Variants in DORIP1 observed in about 807,000 individuals in gnomAD.
DORIP1 encodes dopamine receptor interacting protein 1.
chr14:44,902,807 A>AG, the DORIP1 span, among the ~76,000 whole-genome samples: 1 of 152,246 alleles, frequency 6.6e-6, no homozygotes, highest in Admixed American at 6.5e-5. Context: ...GTAGAAAAAA[A>AG]GTTTTTTTTA....
At chr14:44,907,147 C>G in the DORIP1 span, 1 of 152,572 alleles carries the variant, frequency 6.6e-6, no homozygotes, top group African/African-American at 2.4e-5. Context: ...TATCATGAAA[C>G]AATGACTTAC....
chr14:44,897,733 C>T, the DORIP1 span, among the ~76,000 whole-genome samples: 1 of 152,094 alleles, frequency 6.6e-6, no homozygotes, highest in African/African-American at 2.4e-5. Context: ...AACTCGGGGA[C>T]CCGCCCGCCT....
chr14:44,897,423 C>T, the DORIP1 span: 1 of 186,732 alleles, frequency 5.4e-6, no homozygotes, highest in South Asian at 9.0e-5. Context: ...GAGCCCAGAA[C>T]TCACGCCGGG....
the DORIP1 span, among the ~76,000 whole-genome samples, chr14:44,901,407 G>C: frequency 6.6e-6 from 1 of 152,184 alleles, no homozygotes; most frequent in Non-Finnish European, 1.5e-5. Flanking sequence ...GCATGAAGCA[G>C]TCACAGAAAT....
At chr14:44,897,842 C>T in the DORIP1 span, among the ~76,000 whole-genome samples, 1 of 152,182 alleles carries the variant, frequency 6.6e-6, no homozygotes, top group Non-Finnish European at 1.5e-5. Flanking sequence ...CCGCCTTGTC[C>T]CTGTCCCGAA....
chr14:44,906,247 AATTAT>A, the DORIP1 span: 1 of 151,958 alleles, frequency 6.6e-6, no homozygotes, highest in African/African-American at 2.4e-5. Flanking sequence ...ATTACAAATA[AATTAT>A]ATAACTATCT....
the DORIP1 span, among the ~76,000 whole-genome samples, chr14:44,897,935 T>C: frequency 2.7e-3 from 414 of 152,314 alleles, no homozygotes; most frequent in African/African-American, 9.2e-3. Flanking sequence ...TTAGAATCCC[T>C]GAGTCCTTAG....
the DORIP1 span, among the ~76,000 whole-genome samples, chr14:44,901,375 C>A: frequency 6.6e-6 from 1 of 152,170 alleles, no homozygotes; most frequent in South Asian, 2.1e-4. Context: ...TGTTAAAGTA[C>A]AGAGCCTTTA....
At chr14:44,901,388 ATTAC>A in the DORIP1 span, among the ~76,000 whole-genome samples, 2 of 152,360 alleles carry the variant, frequency 1.3e-5, no homozygotes, top group Non-Finnish European at 2.9e-5. Flanking sequence ...AGCCTTTATA[ATTAC>A]TTAGGCATGA....
chr14:44,900,975 G>A, the DORIP1 span: 7 of 1,542,006 alleles, frequency 4.5e-6, no homozygotes, highest in Admixed American at 2.2e-5. Context: ...TTGGTCTAAC[G>A]TCTGTTTTGT....
At chr14:44,903,231 A>C in the DORIP1 span, 9 of 1,613,082 alleles carry the variant, frequency 5.6e-6, no homozygotes, top group East Asian at 1.3e-4. Context: ...TTCCACATGG[A>C]AACTTGATAA....
the DORIP1 span, among the ~76,000 whole-genome samples, chr14:44,902,042 T>G: frequency 1.3e-5 from 2 of 152,252 alleles, no homozygotes; most frequent in African/African-American, 4.8e-5. Flanking sequence ...AAAAACAGCC[T>G]GATAGATCGT....
At chr14:44,902,602 G>A in the DORIP1 span, among the ~76,000 whole-genome samples, 7 of 151,982 alleles carry the variant, frequency 4.6e-5, no homozygotes, top group Non-Finnish European at 8.8e-5. Context: ...TTACAGGCGT[G>A]AGCCACCACA....
the DORIP1 span, chr14:44,904,431 C>T: frequency 1.9e-6 from 3 of 1,610,756 alleles, no homozygotes; most frequent in Non-Finnish European, 1.7e-6. Context: ...AACGAATTTT[C>T]TGCCATGGGG....
the DORIP1 span, chr14:44,907,129 T>C: frequency 6.6e-6 from 1 of 152,640 alleles, no homozygotes; most frequent in Non-Finnish European, 1.5e-5. Context: ...TTATTTGGAA[T>C]ACTAGTTTAT....
chr14:44,905,520 A>T, the DORIP1 span: 1 of 1,526,648 alleles, frequency 6.6e-7, no homozygotes, highest in Non-Finnish European at 8.9e-7. Context: ...TCTTGTCATC[A>T]TTGGTTTATA....
chr14:44,904,392 T>TA, the DORIP1 span: 1 of 1,609,910 alleles, frequency 6.2e-7, no homozygotes, highest in Non-Finnish European at 8.5e-7. Context: ...TTTTCTATTT[T>TA]AGGTGTGGTG....
chr14:44,903,033 T>C, the DORIP1 span, among the ~76,000 whole-genome samples: 2 of 152,212 alleles, frequency 1.3e-5, no homozygotes, highest in Non-Finnish European at 1.5e-5. Context: ...TCATAATTAG[T>C]GTTTGAGTTC....
At chr14:44,900,855 A>C in the DORIP1 span, 1 of 1,614,098 alleles carries the variant, frequency 6.2e-7, no homozygotes, top group South Asian at 1.1e-5. Context: ...ATAATTTTAC[A>C]AAAAATCTTG....
Sources: allele counts gnomAD v4.1 joint callset (sites outside exome capture counted in the v4.1 genomes callset), GRCh38; gene constraint gnomAD v4.1.1; transcripts MANE v1.5; gene names NCBI Gene and HGNC (gene_info 2026-07-23, HGNC 2026-07-21).